The following IGF2BP2 variants were observed in gnomAD, a reference collection of about 807,000 sequenced individuals.
IGF2BP2 encodes the protein insulin like growth factor 2 mRNA binding protein 2.
IGF2BP2 carries 17 observed loss-of-function variants against 75.8 expected under a neutral mutation model. The ratio of observed to expected loss-of-function variants is 0.22; its 90% CI spans 0.15 to 0.34. The LOEUF (loss-of-function observed/expected upper bound fraction) is 0.34. Ranked by LOEUF, IGF2BP2 falls within the 10% of genes least tolerant of loss-of-function variation. IGF2BP2 has a pLI of 1.00. For synonymous variants in IGF2BP2, 288 were observed against 295.6 expected (o/e 0.97, Z 0.26); for missense variants, 516 against 772.4 (o/e 0.67, Z 3.93).
At chr3:185,811,830 G>GTGTC (rs1553897408) in intron 2 of IGF2BP2, among the ~76,000 whole-genome samples, 2 of 120,694 alleles carry the variant, frequency 1.7e-5, no homozygotes, top group Non-Finnish European at 3.5e-5. Context: ...AGAGTAGGGT[G>GTGTC]TCTCTCTCTC....
At chr3:185,686,810 A>G (rs1221776351) in intron 7 of IGF2BP2, among the ~76,000 whole-genome samples, 1 of 152,134 alleles carries the variant, frequency 6.6e-6, no homozygotes, top group African/African-American at 2.4e-5. Flanking sequence ...AATAATTACT[A>G]TCAATGGGTG....
At position 185,824,974 on chromosome 3, in the gene IGF2BP2, G is replaced by A. The variant is rs370363238; in HGVS notation, c.-14C>T. ...CTTGTTCATCATCCGTCTCTTCCCC[G>A]AGAGCCCGCGGCTCCCCCGGCCCGG... On this transcript the variant is annotated 5_prime_UTR_variant, in exon 1 of 16. Transcript: ENST00000382199. 16 of 1,489,192 alleles carry A rather than the reference G, an allele frequency of 1.1e-5. No individual in the cohort carries two copies. In the Admixed American group the frequency reaches 2.7e-4, roughly 25 times the overall value. The allele number at this position is 1,489,192 out of a possible 1,614,324, so 92.2% of individuals were successfully genotyped here. A position where few individuals can be genotyped will look rare whatever the true frequency, so the allele number is the denominator to read the frequency against.
At chr3:185,686,637 T>A (rs1026463818) in intron 7 of IGF2BP2, among the ~76,000 whole-genome samples, 2 of 152,130 alleles carry the variant, frequency 1.3e-5, no homozygotes, top group African/African-American at 4.8e-5. Flanking sequence ...TACACATGGC[T>A]ACCAAACTCT....
chr3:185,645,230 G>A lies in IGF2BP2; in HGVS notation c.*301C>T, dbSNP rs1167292161. 2.5e-5 allele frequency: 11 copies of A among 436,338 alleles called. No individual in the cohort carries two copies. Among genetic ancestry groups the A allele is most frequent in the African/African-American group, 5.9e-5 (3 of 51,156 alleles). The allele number at this position is 436,338 out of a possible 1,614,324, so 27.0% of individuals were successfully genotyped here. On this transcript the variant is annotated 3_prime_UTR_variant, in exon 16 of 16. Transcript: ENST00000382199. The surrounding 1 kb of genome is among the most constrained non-coding windows in gnomAD (Gnocchi z 4.9). ...TGTTAGTTCAACTAAAAGGGATAGC[G>A]TCGTGGGAGTTCAGGAGAGATCCGA...
chr3:185,700,541 T>A (rs1723147735), intron 2 of IGF2BP2, among the ~76,000 whole-genome samples: 1 of 152,162 alleles, frequency 6.6e-6, no homozygotes, highest in Non-Finnish European at 1.5e-5. Flanking sequence ...CACCATCCCA[T>A]ACAGTGGCTA....
intron 2 of IGF2BP2, among the ~76,000 whole-genome samples, chr3:185,810,976 T>C (rs1451759905): frequency 6.6e-6 from 1 of 152,102 alleles, no homozygotes; most frequent in Non-Finnish European, 1.5e-5. Context: ...CCTCCAATTA[T>C]ATGAAAATAG....
intron 2 of IGF2BP2, among the ~76,000 whole-genome samples, chr3:185,730,274 G>C (rs556986842): frequency 3.3e-5 from 5 of 152,064 alleles, no homozygotes; most frequent in Non-Finnish European, 5.9e-5. Context: ...TGCTGCAAGA[G>C]AAATAATTTC....
intron 2 of IGF2BP2, chr3:185,716,695 GC>G (rs1338584053): frequency 1.9e-6 from 1 of 520,120 alleles, no homozygotes; most frequent in Non-Finnish European, 3.8e-6. Flanking sequence ...TTTACTCAGG[GC>G]CATGGTGGTG....
At chr3:185,662,534 C>G (rs1716628618) in intron 10 of IGF2BP2, among the ~76,000 whole-genome samples, 1 of 144,136 alleles carries the variant, frequency 6.9e-6, no homozygotes. Flanking sequence ...ACTATTTCCC[C>G]TTCCCATACT....
chr3:185,788,628 G>T (rs756158559), intron 2 of IGF2BP2, among the ~76,000 whole-genome samples: 3 of 151,916 alleles, frequency 2.0e-5, no homozygotes, highest in Non-Finnish European at 2.9e-5. Flanking sequence ...TGCTAGTCTG[G>T]GTTCCTGTGG....
intron 2 of IGF2BP2, among the ~76,000 whole-genome samples, chr3:185,770,786 T>A (rs1417607565): frequency 6.6e-6 from 1 of 152,238 alleles, no homozygotes; most frequent in Non-Finnish European, 1.5e-5. Context: ...AGGGTCTCAC[T>A]GTTGCCCAGG....
intron 7 of IGF2BP2, among the ~76,000 whole-genome samples, chr3:185,686,381 T>C (rs1721137046): frequency 6.7e-6 from 1 of 148,274 alleles, no homozygotes; most frequent in Non-Finnish European, 1.5e-5. Flanking sequence ...TGAGACTCTG[T>C]CTTAAAAAAA....
intron 10 of IGF2BP2, among the ~76,000 whole-genome samples, chr3:185,663,741 C>G (rs745441320): frequency 3.3e-5 from 5 of 151,996 alleles, no homozygotes; most frequent in African/African-American, 7.3e-5. Flanking sequence ...TTATTTCCAC[C>G]CTGATCTTTA....
At chr3:185,658,439 G>A (rs375471066) in intron 10 of IGF2BP2, 30 bp from the exon 11 acceptor site, 145 of 1,600,424 alleles carry the variant, frequency 9.1e-5, no homozygotes, top group Admixed American at 3.5e-4. Flanking sequence ...GTCAGTGGGC[G>A]GGTGCTCTCA....
chr3:185,649,584 C>T (rs1463051033), intron 13 of IGF2BP2, 50 bp from the exon 14 acceptor site: 2 of 1,608,464 alleles, frequency 1.2e-6, no homozygotes, highest in East Asian at 2.2e-5. Context: ...AGCAGCCGGC[C>T]ACTTCATCAG....
intron 10 of IGF2BP2, among the ~76,000 whole-genome samples, chr3:185,665,277 GGAGAAGAAGAAGA>G (rs1717175879): frequency 1.4e-5 from 2 of 142,680 alleles, no homozygotes; most frequent in African/African-American, 2.6e-5. Flanking sequence ...AGGAGGAGAA[GGAGAAGAAGAAGA>G]AGGAGGAGAA....
At chr3:185,769,220 G>A (rs1733529552) in intron 2 of IGF2BP2, among the ~76,000 whole-genome samples, 2 of 151,904 alleles carry the variant, frequency 1.3e-5, no homozygotes, top group Non-Finnish European at 2.9e-5. Flanking sequence ...GGAGGCTGAG[G>A]AGGATGGGAG....
chr3:185,787,788 G>C (rs956533666), intron 2 of IGF2BP2, among the ~76,000 whole-genome samples: 17 of 152,146 alleles, frequency 1.1e-4, no homozygotes, highest in Admixed American at 1.1e-3. Flanking sequence ...TGCTGAGATG[G>C]GAAGCTGTAA....
chr3:185,764,265 T>C (rs1560432701), intron 2 of IGF2BP2, among the ~76,000 whole-genome samples: 1 of 152,192 alleles, frequency 6.6e-6, no homozygotes, highest in Non-Finnish European at 1.5e-5. Flanking sequence ...TTCCTTTCAG[T>C]CTTTTCTGTC....
Sources: gnomAD v4.1 joint callset for allele counts (sites outside exome capture counted in the v4.1 genomes callset) on GRCh38, gnomAD v4.1.1 for gene constraint, Gnocchi (gnomAD v3.1) non-coding constraint, MANE v1.5 for transcripts, NCBI Gene and HGNC (gene_info 2026-07-23, HGNC 2026-07-21) for gene names.